Variants in TACR3 observed in about 807,000 individuals in gnomAD.
TACR3 encodes the protein neuromedin-K receptor.
TACR3 carries 34 observed loss-of-function variants against 35.0 expected under a neutral mutation model. That is an observed-to-expected ratio of 0.97 (90% CI 0.74 to 1.30). The LOEUF is 1.30. Among genes scored for constraint, TACR3 ranks in the 50% most tolerant of loss-of-function variants. TACR3 has a pLI of 0.00. For synonymous variants in TACR3, 233 were observed against 221.1 expected (o/e 1.05, Z -0.48); for missense variants, 558 against 591.7 (o/e 0.94, Z 0.59).
chr4:103,693,872 T>C (rs879213374), intron 1 of TACR3, among the ~76,000 whole-genome samples: 1 of 152,138 alleles, frequency 6.6e-6, no homozygotes, highest in Admixed American at 6.5e-5. Flanking sequence ...ATTTTATTGC[T>C]ACAGTTTATT....
chr4:103,649,262 C>A (rs1725529598), intron 3 of TACR3, among the ~76,000 whole-genome samples: 2 of 151,986 alleles, frequency 1.3e-5, no homozygotes, highest in Non-Finnish European at 2.9e-5. Flanking sequence ...TGATTGCTTC[C>A]TTTGCTGCAC....
At chr4:103,715,446 A>G (rs74324844) in intron 1 of TACR3, among the ~76,000 whole-genome samples, 24,654 of 151,796 alleles carry the variant, frequency 0.16, 2,579 homozygotes, top group East Asian at 0.37. Flanking sequence ...GTTTCCTGAG[A>G]CCTCTCCAGA....
intron 1 of TACR3, among the ~76,000 whole-genome samples, chr4:103,690,733 T>A (rs1329553456): frequency 1.3e-5 from 2 of 152,094 alleles, no homozygotes; most frequent in African/African-American, 4.8e-5. Flanking sequence ...GGCTATAAAA[T>A]AAGTATCAAC....
intron 1 of TACR3, among the ~76,000 whole-genome samples, chr4:103,666,555 A>T (rs1158097939): frequency 6.6e-6 from 1 of 152,122 alleles, no homozygotes; most frequent in African/African-American, 2.4e-5. Context: ...GGTACCATAC[A>T]CTCTAAGAAC....
rs182834420 is a variant in TACR3 at position 103,695,170 on chromosome 4, G to A, written c.548+23958C>T. Reference sequence around the variant, plus strand: ...TAAAAATAACTGGTATACTTTTACCGTTTAATCTTTTCAGTATGTGTTTTC... The same window carrying A: ...TAAAAATAACTGGTATACTTTTACCATTTAATCTTTTCAGTATGTGTTTTC... On this transcript the variant is annotated intron_variant, in intron 1 of 4. Coordinates refer to ENST00000304883, the MANE Select transcript of TACR3 (RefSeq NM_001059.3). 3.1e-4 allele frequency among the ~76,000 whole-genome samples: 47 copies of A among 152,222 alleles called. No individual in the cohort carries two copies. The East Asian group carries it at 8.7e-3, about 28-fold the overall frequency.
chr4:103,592,662 A>G (rs1285854755), intron 3 of TACR3, among the ~76,000 whole-genome samples: 1 of 152,202 alleles, frequency 6.6e-6, no homozygotes, highest in Admixed American at 6.6e-5. Flanking sequence ...AAGCTAAACA[A>G]TTTTGAAGCT....
At position 103,636,590 on chromosome 4, in the gene TACR3, A is replaced by G. The variant is rs191562658; in HGVS notation, c.888+19604T>C. ...GAAGGCAAGAAATAACTAAGATCAGAGCAGAACTGAAGGAAATAGAGACAC... is the reference window on the plus strand; with the variant it reads ...GAAGGCAAGAAATAACTAAGATCAGGGCAGAACTGAAGGAAATAGAGACAC... On this transcript the variant is annotated intron_variant, in intron 3 of 4. Coordinates refer to ENST00000304883, the MANE Select transcript of TACR3 (RefSeq NM_001059.3). Among the ~76,000 whole-genome samples the G allele has an allele frequency of 3.8e-3, 575 of 152,262 alleles. 2 individuals are homozygous for G. Among genetic ancestry groups the G allele is most frequent in the Non-Finnish European group, 3.6e-3 (245 of 68,024 alleles).
intron 1 of TACR3, among the ~76,000 whole-genome samples, chr4:103,669,074 T>G (rs147824545): frequency 6.6e-6 from 1 of 152,314 alleles, no homozygotes; most frequent in East Asian, 1.9e-4. Context: ...ATATCTGTCT[T>G]TCTGTGCTTG....
At chr4:103,643,395 A>T (rs936259380) in intron 3 of TACR3, among the ~76,000 whole-genome samples, 2 of 151,096 alleles carry the variant, frequency 1.3e-5, no homozygotes, top group African/African-American at 4.9e-5. Flanking sequence ...GGAGATTGCC[A>T]GTCTGGCGAC....
chr4:103,661,818 G>A (rs561335455), intron 1 of TACR3, among the ~76,000 whole-genome samples: 2 of 152,114 alleles, frequency 1.3e-5, no homozygotes, highest in Non-Finnish European at 1.5e-5. Context: ...TGTCATAGCT[G>A]GTCTGATCCA....
At chr4:103,670,148 G>A (rs1726026094) in intron 1 of TACR3, among the ~76,000 whole-genome samples, 1 of 151,938 alleles carries the variant, frequency 6.6e-6, no homozygotes, top group Admixed American at 6.6e-5. Flanking sequence ...TTGCAAACAT[G>A]TGGATTTATT....
chr4:103,628,670 C>CA (rs1232748031), intron 3 of TACR3, among the ~76,000 whole-genome samples: 1 of 151,956 alleles, frequency 6.6e-6, no homozygotes, highest in Non-Finnish European at 1.5e-5. Flanking sequence ...GCCCACCAAC[C>CA]AAAAAAATCC....
At chr4:103,668,636 T>G (rs1578250225) in intron 1 of TACR3, among the ~76,000 whole-genome samples, 1 of 152,000 alleles carries the variant, frequency 6.6e-6, no homozygotes, top group Non-Finnish European at 1.5e-5. Flanking sequence ...TCACCTGAGG[T>G]CAGGAGTTCA....
chr4:103,633,875 AGTTC>A (rs1386492616), intron 3 of TACR3, among the ~76,000 whole-genome samples: 1 of 152,108 alleles, frequency 6.6e-6, no homozygotes, highest in Non-Finnish European at 1.5e-5. Context: ...AACTTTAGTT[AGTTC>A]TTTTTTTAAA....
At chr4:103,605,922 T>C (rs908656292) in intron 3 of TACR3, among the ~76,000 whole-genome samples, 3 of 152,194 alleles carry the variant, frequency 2.0e-5, no homozygotes, top group Non-Finnish European at 4.4e-5. Context: ...TGAATGGTAA[T>C]GCCTAGGTTT....
At chr4:103,622,247 G>A (rs916337573) in intron 3 of TACR3, among the ~76,000 whole-genome samples, 2 of 152,188 alleles carry the variant, frequency 1.3e-5, no homozygotes, top group African/African-American at 4.8e-5. Context: ...AATCAAAGGT[G>A]TAAAAGATTG....
intron 3 of TACR3, among the ~76,000 whole-genome samples, chr4:103,629,862 A>AAAAAAAAC (rs1725011450): frequency 1.2e-4 from 13 of 111,570 alleles, no homozygotes; most frequent in African/African-American, 4.0e-4. Context: ...AAAAAAAAAC[A>AAAAAAAAC]AAAAAAAAAC....
chr4:103,628,795 T>G (rs1422057545), intron 3 of TACR3, among the ~76,000 whole-genome samples: 1 of 151,986 alleles, frequency 6.6e-6, no homozygotes, highest in African/African-American at 2.4e-5. Flanking sequence ...CTAACTCATT[T>G]TATGAGGCAA....
intron 3 of TACR3, among the ~76,000 whole-genome samples, chr4:103,637,300 A>G (rs1725215483): frequency 6.6e-6 from 1 of 152,186 alleles, no homozygotes; most frequent in Non-Finnish European, 1.5e-5. Context: ...AAATCAATAA[A>G]TGTAATCCAG....
Sources: allele counts gnomAD v4.1 joint callset (sites outside exome capture counted in the v4.1 genomes callset), GRCh38; gene constraint gnomAD v4.1.1; transcripts MANE v1.5; gene names NCBI Gene and HGNC (gene_info 2026-07-23, HGNC 2026-07-21).